RANBP2: variants seen among roughly 807,000 people sequenced by gnomAD.
RANBP2 encodes E3 SUMO-protein ligase RanBP2.
RANBP2 carries 57 observed loss-of-function variants against 303.6 expected under a neutral mutation model. That is an observed-to-expected ratio of 0.19 (90% confidence interval 0.15 to 0.23). RANBP2 has a LOEUF of 0.23. RANBP2 is among the 10% of genes least tolerant of loss of function. The pLI, the probability that RANBP2 is intolerant of heterozygous loss-of-function variation, is 1.00. For synonymous variants in RANBP2, 1,167 were observed against 1,301.5 expected (o/e 0.90, Z 2.23); for missense variants, 3,138 against 3,780.8 (o/e 0.83, Z 4.46).
At chr2:109,107,636 G>A in the RANBP2 span, among the ~76,000 whole-genome samples, 13 of 152,298 alleles carry the variant, frequency 8.5e-5, no homozygotes, top group East Asian at 2.3e-3. Context: ...CTCAGTCTCA[G>A]GGAGACTGGA....
the RANBP2 span, among the ~76,000 whole-genome samples, chr2:109,761,535 G>A: frequency 1.3e-5 from 2 of 148,376 alleles, no homozygotes; most frequent in African/African-American, 4.9e-5. Context: ...CTCACACTGG[G>A]GAGCTGCTGT....
At chr2:109,556,103 G>C in the RANBP2 span, among the ~76,000 whole-genome samples, 1 of 152,140 alleles carries the variant, frequency 6.6e-6, no homozygotes, top group Non-Finnish European at 1.5e-5. Flanking sequence ...ACAAATTTCT[G>C]GGAAGAGGAG....
At chr2:109,281,069 C>T in the RANBP2 span, among the ~76,000 whole-genome samples, 1 of 152,158 alleles carries the variant, frequency 6.6e-6, no homozygotes, top group African/African-American at 2.4e-5. Context: ...CATGACAGGG[C>T]CAGAGAGAGA....
At chr2:109,437,894 T>G in the RANBP2 span, among the ~76,000 whole-genome samples, 4 of 152,156 alleles carry the variant, frequency 2.6e-5, no homozygotes, top group Non-Finnish European at 4.4e-5. Flanking sequence ...CCACGGCGTC[T>G]TCCACCACGG....
At chr2:109,613,892 A>ACGGCGG in the RANBP2 span, 3 of 1,218,134 alleles carry the variant, frequency 2.5e-6, no homozygotes, top group African/African-American at 3.1e-5. Flanking sequence ...GGTCCCGGCG[A>ACGGCGG]CGGCGGCGGG....
chr2:109,113,025 T>G, the RANBP2 span, among the ~76,000 whole-genome samples: 1 of 152,226 alleles, frequency 6.6e-6, no homozygotes, highest in African/African-American at 2.4e-5. Flanking sequence ...CATGCTGTTT[T>G]GGTTACTGTA....
At chr2:109,710,177 T>A in the RANBP2 span, among the ~76,000 whole-genome samples, 1 of 149,684 alleles carries the variant, frequency 6.7e-6, no homozygotes, top group African/African-American at 2.5e-5. Context: ...AGGTCAGGAG[T>A]TCGAGAGCAG....
the RANBP2 span, among the ~76,000 whole-genome samples, chr2:109,198,444 C>G: frequency 6.6e-6 from 1 of 152,124 alleles, no homozygotes; most frequent in Non-Finnish European, 1.5e-5. Context: ...GGTACCCTGC[C>G]CAGCACAGAT....
the RANBP2 span, among the ~76,000 whole-genome samples, chr2:109,656,871 A>C: frequency 6.6e-6 from 1 of 152,236 alleles, no homozygotes; most frequent in Non-Finnish European, 1.5e-5. Context: ...CAGTGTACTG[A>C]GTCTTCTAAG....
chr2:109,258,698 A>G, the RANBP2 span, among the ~76,000 whole-genome samples: 3 of 152,198 alleles, frequency 2.0e-5, no homozygotes, highest in Non-Finnish European at 2.9e-5. Context: ...TGTCTGAGTG[A>G]TGACTGCCAG....
the RANBP2 span, among the ~76,000 whole-genome samples, chr2:109,519,005 G>A: frequency 1.4e-5 from 2 of 140,668 alleles, no homozygotes; most frequent in East Asian, 2.2e-4. Context: ...TGCATCCTCC[G>A]CCTCCTGGGT....
At chr2:108,754,755 T>C (rs1676164947) in intron 15 of RANBP2, 150 bp from the exon 16 acceptor site, 1 of 1,234,730 alleles carries the variant, frequency 8.1e-7, no homozygotes, top group Non-Finnish European at 1.1e-6. Context: ...AAAAAGATAA[T>C]TAAAAAACAC....
intron 25 of RANBP2, among the ~76,000 whole-genome samples, chr2:108,778,831 C>T (rs1439199474): frequency 6.6e-6 from 1 of 151,132 alleles, no homozygotes; most frequent in Non-Finnish European, 1.5e-5. Flanking sequence ...GGCTCTAAAG[C>T]AATCCTTCCA....
At chr2:109,581,035 T>C in the RANBP2 span, among the ~76,000 whole-genome samples, 4 of 152,236 alleles carry the variant, frequency 2.6e-5, no homozygotes, top group African/African-American at 4.8e-5. Context: ...AATATGCATA[T>C]GCAGGACAGC....
the RANBP2 span, among the ~76,000 whole-genome samples, chr2:109,603,549 A>T: frequency 6.6e-6 from 1 of 152,042 alleles, no homozygotes; most frequent in African/African-American, 2.4e-5. Flanking sequence ...TCATAATATT[A>T]TTTTTAAAGC....
chr2:108,918,505 G>A, the RANBP2 span, among the ~76,000 whole-genome samples: 1 of 152,212 alleles, frequency 6.6e-6, no homozygotes, highest in Non-Finnish European at 1.5e-5. Flanking sequence ...CAAGGCTGGG[G>A]TGTTTGATAA....
chr2:109,609,330 G>A, the RANBP2 span, among the ~76,000 whole-genome samples: 1 of 138,678 alleles, frequency 7.2e-6, no homozygotes, highest in Non-Finnish European at 1.6e-5. Flanking sequence ...GGCTATGGAG[G>A]ATACAAAGAA....
the RANBP2 span, among the ~76,000 whole-genome samples, chr2:109,278,553 A>G: frequency 6.6e-5 from 10 of 152,326 alleles, no homozygotes; most frequent in East Asian, 1.5e-3. Flanking sequence ...TCGGGCCCCA[A>G]TGTCACTGCA....
At chr2:109,629,306 T>TAG in the RANBP2 span, among the ~76,000 whole-genome samples, 3 of 4,304 alleles carry the variant, frequency 7.0e-4, no homozygotes, top group Non-Finnish European at 1.2e-3. Context: ...CCTAAAGATA[T>TAG]ATATATATAT....
Sources: gnomAD v4.1 joint callset for allele counts (sites outside exome capture counted in the v4.1 genomes callset) on GRCh38, gnomAD v4.1.1 for gene constraint, MANE v1.5 for transcripts, NCBI Gene and HGNC (gene_info 2026-07-23, HGNC 2026-07-21) for gene names.